Variants in VTCN1 observed in about 807,000 individuals in gnomAD.
The protein encoded by VTCN1 is V-set domain-containing T-cell activation inhibitor 1.
In VTCN1, 26 loss-of-function variants were observed where a neutral mutation model predicts 26.5. That is an observed-to-expected ratio of 0.98 (90% CI 0.72 to 1.36). The LOEUF is 1.36. VTCN1 is among the 40% of genes most tolerant of loss of function. VTCN1 has a pLI of 0.00. For synonymous variants in VTCN1, 116 were observed against 130.7 expected, an observed-to-expected ratio of 0.89 and a Z score of 0.77; for missense variants, 298 against 337.7, an observed-to-expected ratio of 0.88 and a Z score of 0.92.
chr1:117,162,712 A>G (rs1411944547), intron 2 of VTCN1, among the ~76,000 whole-genome samples: 1 of 152,196 alleles, frequency 6.6e-6, no homozygotes, highest in Non-Finnish European at 1.5e-5. Flanking sequence ...TCCTGTCTGC[A>G]TGAGGAAAGT....
chr1:117,163,560 T>C (rs1421980033), intron 2 of VTCN1, among the ~76,000 whole-genome samples: 2 of 152,214 alleles, frequency 1.3e-5, no homozygotes, highest in African/African-American at 2.4e-5. Flanking sequence ...CAGAGACTCA[T>C]TTTAAGCCAT....
In VTCN1 at chr1:117,144,895, A is replaced by C. The variant is rs1162263944; in HGVS notation, c.*376T>G. 1 of 152,558 alleles carries C rather than the reference A, an allele frequency of 6.6e-6. No individual in the cohort carries two copies. The highest frequency in any genetic ancestry group is 2.4e-5 in the African/African-American group (1 of 41,410). 9.5% of individuals were successfully genotyped at this position (152,558 alleles called of 1,614,324 possible). A position where few individuals can be genotyped will look rare whatever the true frequency, so the allele number is the denominator to read the frequency against. On this transcript the variant is annotated 3_prime_UTR_variant, in exon 6 of 6. Transcript: ENST00000369458. ...CAACATTACAGCACATATAACTAAA[A>C]ATTCAGAGACAAAGAACATGCACTA... is the stretch of plus-strand genomic sequence containing the variant.
chr1:117,180,864 A>C (rs968580302), intron 1 of VTCN1, among the ~76,000 whole-genome samples: 1 of 152,348 alleles, frequency 6.6e-6, no homozygotes, highest in East Asian at 1.9e-4. Context: ...GCTCAGGGAC[A>C]GCCTGATCAT....
intron 1 of VTCN1, chr1:117,173,188 G>A (rs1051717204): frequency 1.1e-5 from 8 of 716,314 alleles, no homozygotes; most frequent in Admixed American, 2.0e-5. Context: ...AACACTCACC[G>A]CGAGGTCAGC....
At position 117,178,588 on chromosome 1, in the gene VTCN1, G is replaced by GTTTTTTTT. The variant is rs10657719; in HGVS notation, c.33-8425_33-8418dup. On this transcript the variant is annotated intron_variant, in intron 1 of 5. Coordinates refer to ENST00000369458, the MANE Select transcript of VTCN1 (RefSeq NM_024626.4). ...TTCAGTGTTTTCTTTTCTTTCTTTC[G>GTTTTTTTT]TTTTTTTTTTTTTTTTTTTTTTAGA... Among the ~76,000 whole-genome samples the GTTTTTTTT allele has an allele frequency of 1.0e-4, 9 of 88,258 alleles. 2 individuals are homozygous for GTTTTTTTT. The highest frequency in any genetic ancestry group is 6.8e-4 in the Admixed American group (4 of 5,892). 57.9% of individuals were successfully genotyped at this position (88,258 alleles called of 152,430 possible).
At chr1:117,157,654 T>C (rs1380076878) in intron 2 of VTCN1, among the ~76,000 whole-genome samples, 4 of 152,114 alleles carry the variant, frequency 2.6e-5, no homozygotes, top group Admixed American at 1.3e-4. Flanking sequence ...AGCCAAACCA[T>C]ATCATTCCAT....
At position 117,146,509 on chromosome 1, in the gene VTCN1, A is replaced by G. The variant is rs1241509674; in HGVS notation, c.*45+1104T>C. ...CATACATGCATGCCAAGAGGATATA[A>G]AATACAAAGACTCTTGGGGAGGTGG... is the stretch of plus-strand genomic sequence containing the variant. On this transcript the variant is annotated intron_variant, in intron 5 of 5. Transcript: ENST00000369458. This position sits in a 1 kb window ranked among gnomAD's most constrained non-coding sequence, Gnocchi z 4.2. Among the ~76,000 whole-genome samples, 1 of 152,214 alleles carries G rather than the reference A, an allele frequency of 6.6e-6. No individual in the cohort carries two copies. The highest frequency in any genetic ancestry group is 1.5e-5 in the Non-Finnish European group (1 of 68,034).
rs1360999660 is a variant in VTCN1 at position 117,161,872 on chromosome 1, T to C, written c.98-4951A>G. Among the ~76,000 whole-genome samples, 2 of 152,192 alleles carry C rather than the reference T, an allele frequency of 1.3e-5. No homozygotes were observed. The highest frequency in any genetic ancestry group is 2.9e-5 in the Non-Finnish European group (2 of 68,034). On this transcript the variant is annotated intron_variant, in intron 2 of 5. Coordinates refer to ENST00000369458, the MANE Select transcript of VTCN1 (RefSeq NM_024626.4). This position sits in a 1 kb window ranked among gnomAD's most constrained non-coding sequence, Gnocchi z 4.3. The stretch of plus-strand genomic sequence containing the variant: ...TTGATAAAGTGCCATTAAAGTTGAA[T>C]TGAAAGATTACTTCTCAGAAAAAAT...
rs1225942904 is a variant in VTCN1, at chr1:117,155,530, GT to G, written c.445+1043del. Among the ~76,000 whole-genome samples the G allele has an allele frequency of 1.3e-5, 2 of 152,136 alleles. No individual in the cohort carries two copies. The highest frequency in any genetic ancestry group is 3.9e-4 in the East Asian group (2 of 5,174). ...AATTCAATACTATGTTACTTATTTTGTTGCTTAAATTGTTCCAGCTTTGCCA... is the reference window on the plus strand; with the variant it reads ...AATTCAATACTATGTTACTTATTTTGTGCTTAAATTGTTCCAGCTTTGCCA... On this transcript the variant is annotated intron_variant, in intron 3 of 5. Transcript: ENST00000369458. The surrounding 1 kb of genome is among the most constrained non-coding windows in gnomAD (Gnocchi z 4.8).
At chr1:117,151,109 A>G (rs1651765212) in intron 4 of VTCN1, among the ~76,000 whole-genome samples, 1 of 152,134 alleles carries the variant, frequency 6.6e-6, no homozygotes, top group Non-Finnish European at 1.5e-5. Context: ...TCAGACTCTG[A>G]ATTCTTTTGA....
In VTCN1 at chr1:117,188,935, A is replaced by G. The variant is rs1342731; in HGVS notation, c.33-18764T>C. Among the ~76,000 whole-genome samples, 897 of 152,350 alleles carry G rather than the reference A, an allele frequency of 5.9e-3. 5 individuals carry two copies. Among genetic ancestry groups the G allele is most frequent in the Non-Finnish European group, 9.0e-3 (613 of 68,036 alleles). ...CTTAATTATTATATATAAGTAAAAA[A>G]TAGTTTTCTAACTCCAGAGATACAA... On this transcript the variant is annotated intron_variant, in intron 1 of 5. Transcript: ENST00000369458.
chr1:117,151,252 A>C (rs1022338704), intron 4 of VTCN1, among the ~76,000 whole-genome samples: 3 of 139,654 alleles, frequency 2.1e-5, no homozygotes, highest in Non-Finnish European at 4.6e-5. Flanking sequence ...GTGTGTCCGG[A>C]GTTTGTTCCT....
chr1:117,202,667 T>A (rs1648845497), intron 1 of VTCN1, among the ~76,000 whole-genome samples: 2 of 152,218 alleles, frequency 1.3e-5, no homozygotes, highest in African/African-American at 4.8e-5. Flanking sequence ...GATTCTAATA[T>A]TATCCCCATT....
rs1414345225 is a variant in VTCN1, at chr1:117,155,478, T to C, written c.445+1096A>G. On this transcript the variant is annotated intron_variant, in intron 3 of 5. Coordinates refer to ENST00000369458, the MANE Select transcript of VTCN1 (RefSeq NM_024626.4). The surrounding 1 kb of genome is among the most constrained non-coding windows in gnomAD (Gnocchi z 4.8). ...TTATTTAAATAAGTATGAAGTCATATGTATTTATTCTATACCTTTGAGTTA... is the reference window on the plus strand; with the variant it reads ...TTATTTAAATAAGTATGAAGTCATACGTATTTATTCTATACCTTTGAGTTA... Among the ~76,000 whole-genome samples the C allele has an allele frequency of 3.3e-5, 5 of 152,258 alleles. No homozygotes were observed. Among genetic ancestry groups the C allele is most frequent in the African/African-American group, 1.2e-4 (5 of 41,468 alleles).
intron 1 of VTCN1, chr1:117,170,455 A>G (rs1000738786): frequency 6.3e-6 from 3 of 478,072 alleles, no homozygotes; most frequent in Admixed American, 5.7e-5. Context: ...ATATATGGAG[A>G]CTGTTGGGGC....
intron 1 of VTCN1, among the ~76,000 whole-genome samples, 161 bp downstream of exon 1, chr1:117,210,663 C>T (rs903595018): frequency 1.3e-5 from 2 of 152,224 alleles, no homozygotes; most frequent in Non-Finnish European, 2.9e-5. Context: ...AAGTCAAATC[C>T]AGTTAGGCTC....
rs1027961391 is a variant in VTCN1, at chr1:117,185,908, T to G, written c.33-15737A>C. Among the ~76,000 whole-genome samples, 75 of 152,198 alleles carry G rather than the reference T, an allele frequency of 4.9e-4. 1 individual carries two copies. Among genetic ancestry groups the G allele is most frequent in the Non-Finnish European group, 9.1e-4 (62 of 68,052 alleles). ...CATGTACTGATTGATGTCTTATGTC[T>G]TCCTAAAATGTATCAAAGCAAGCTG... On this transcript the variant is annotated intron_variant, in intron 1 of 5. Coordinates refer to ENST00000369458, the MANE Select transcript of VTCN1 (RefSeq NM_024626.4).
intron 1 of VTCN1, among the ~76,000 whole-genome samples, chr1:117,174,208 T>G (rs1653078240): frequency 6.6e-6 from 1 of 152,354 alleles, no homozygotes; most frequent in East Asian, 1.9e-4. Flanking sequence ...TTCTAACCAC[T>G]GCATTGGGAT....
rs986022256 is a variant in VTCN1 at position 117,155,801 on chromosome 1, C to T, written c.445+773G>A. 2.6e-5 allele frequency among the ~76,000 whole-genome samples: 4 copies of T among 152,238 alleles called. No homozygotes were observed. Among genetic ancestry groups the T allele is most frequent in the African/African-American group, 9.6e-5 (4 of 41,462 alleles). ...CTTCAAGGCTCCCCTCAAATGCCAG[C>T]TTCTCCAGGGGGCTTTCCCATCCCT... On this transcript the variant is annotated intron_variant, in intron 3 of 5. Transcript: ENST00000369458. This position sits in a 1 kb window ranked among gnomAD's most constrained non-coding sequence, Gnocchi z 4.8.
Sources: gnomAD v4.1 joint callset for allele counts (sites outside exome capture counted in the v4.1 genomes callset) on GRCh38, gnomAD v4.1.1 for gene constraint, Gnocchi (gnomAD v3.1) non-coding constraint, MANE v1.5 for transcripts, NCBI Gene and HGNC (gene_info 2026-07-23, HGNC 2026-07-21) for gene names.